MORN1: variants seen among roughly 807,000 people sequenced by gnomAD.
MORN1 encodes MORN repeat containing 1, also known as MORN repeat-containing protein 1.
A neutral mutation model predicts 61.9 loss-of-function variants in MORN1; 67 were observed. The observed-to-expected ratio is 1.08, with a 90% CI of 0.89 to 1.33. MORN1 has a LOEUF of 1.33. MORN1 is among the 40% of genes most tolerant of loss of function. The probability of loss-of-function intolerance (pLI) is 0.00; values close to 1 mark genes in which losing one functional copy is unlikely to be tolerated. For synonymous variants in MORN1, 301 were observed against 292.0 expected, an observed-to-expected ratio of 1.03 and a Z score of -0.31; for missense variants, 752 against 691.2, an observed-to-expected ratio of 1.09 and a Z score of -0.99.
At chr1:2,322,623 G>A in intron 13 of MORN1, 44 of 985,454 alleles carry the variant, frequency 4.5e-5, no homozygotes, top group Non-Finnish European at 5.2e-5. Context: ...TGGCGGGTGT[G>A]GGCCACAGCA....
rs200183384 is a variant in MORN1 at position 2,380,351 on chromosome 1, T to A, written c.537+4627A>T. Among the ~76,000 whole-genome samples, 41 of 152,234 alleles carry A rather than the reference T, an allele frequency of 2.7e-4. No individual in the cohort carries two copies. In the East Asian group the frequency reaches 6.2e-3, roughly 23 times the overall value. The stretch of plus-strand genomic sequence containing the variant: ...TGCCACGCCACTGCACGCTTAAAAG[T>A]GGTCACGGCCCAGCGCAGCGGCTCA... On this transcript the variant is annotated intron_variant, in intron 6 of 13. Coordinates refer to ENST00000378531, the MANE Select transcript of MORN1 (RefSeq NM_024848.3).
At chr1:2,323,847 T>C in intron 13 of MORN1, 3 of 985,168 alleles carry the variant, frequency 3.0e-6, no homozygotes, top group Non-Finnish European at 3.6e-6. Flanking sequence ...TCTAGGACAT[T>C]CCCCACATCA....
rs139553355 is a variant in MORN1 at position 2,321,498 on chromosome 1, C to A, written c.1379G>T (p.Arg460Leu). 3.3e-6 allele frequency: 5 copies of A among 1,528,770 alleles called. No homozygotes were observed. In the South Asian group the frequency reaches 6.2e-5, roughly 19 times the overall value. The allele number at this position is 1,528,770 out of a possible 1,614,324, so 94.7% of individuals were successfully genotyped here. The change falls in exon 14 of 14, where the codon CGG (arginine) becomes CTG (leucine). Residue 460 changes from arginine (R) to leucine (L), a missense_variant. Arg to Leu is a moderately radical substitution (Grantham distance 102). Coordinates refer to ENST00000378531, the MANE Select transcript of MORN1 (RefSeq NM_024848.3). ...RRLPPAFKHL[R>L]VVAKRAGQPP... is the part of the protein sequence containing the mutation. The stretch of plus-strand genomic sequence containing the variant: ...CTGGCCAGCCCTCTTCGCTACGACC[C>A]GCAGGTGTTTGAAGGCCGGGGGCAG...
chr1:2,332,648 A>G (rs927369757), intron 12 of MORN1: 17 of 456,426 alleles, frequency 3.7e-5, no homozygotes, highest in African/African-American at 3.4e-4. Flanking sequence ...GGAAGGGGTC[A>G]CACTCCCGTC....
chr1:2,325,164 CCTTCCTTTCCTT>C (rs1640991654), intron 12 of MORN1, among the ~76,000 whole-genome samples: 3 of 108,070 alleles, frequency 2.8e-5, no homozygotes, highest in Non-Finnish European at 4.1e-5. Context: ...TCCCTCCCTT[CCTTCCTTTCCTT>C]CCTTCCCTTC....
At chr1:2,369,407 T>C (rs1196824226) in intron 8 of MORN1, among the ~76,000 whole-genome samples, 1 of 140,938 alleles carries the variant, frequency 7.1e-6, no homozygotes, top group East Asian at 2.0e-4. Context: ...CTGAGGAGGG[T>C]GTAAAGCCAT....
In MORN1 at chr1:2,372,363, G is replaced by T; in HGVS notation, c.745+118C>A. On this transcript the variant is annotated intron_variant, in intron 8 of 13. Coordinates refer to ENST00000378531, the MANE Select transcript of MORN1 (RefSeq NM_024848.3). The surrounding 1 kb of genome is among the most constrained non-coding windows in gnomAD (Gnocchi z 5.4). ...CTCTCTGCCAGGCTCTGGGCACGAAGTCACTGCTGTGCCTCAGGAGCCACA... is the reference window on the plus strand; with the variant it reads ...CTCTCTGCCAGGCTCTGGGCACGAATTCACTGCTGTGCCTCAGGAGCCACA... 1 of 769,520 alleles carries T rather than the reference G, an allele frequency of 1.3e-6. No individual in the cohort carries two copies. Among genetic ancestry groups the T allele is most frequent in the South Asian group, 1.7e-5 (1 of 57,374 alleles). The allele number at this position is 769,520 out of a possible 1,614,324, so 47.7% of individuals were successfully genotyped here.
chr1:2,325,296 C>T (rs968525050), intron 12 of MORN1, among the ~76,000 whole-genome samples: 6 of 145,954 alleles, frequency 4.1e-5, no homozygotes, highest in African/African-American at 1.5e-4. Flanking sequence ...TCCTCTCTCT[C>T]TCTCTCTCTT....
intron 12 of MORN1, chr1:2,326,447 G>A (rs72642149): frequency 6.6e-6 from 1 of 152,140 alleles, no homozygotes; most frequent in South Asian, 2.1e-4. Context: ...CAAGGAGCTC[G>A]GGAGTCTCGG....
At chr1:2,368,748 A>C (rs1172647314) in intron 8 of MORN1, among the ~76,000 whole-genome samples, 1 of 152,182 alleles carries the variant, frequency 6.6e-6, no homozygotes, top group Non-Finnish European at 1.5e-5. Context: ...CTTCACACCC[A>C]CAAAGATGGC....
intron 8 of MORN1, among the ~76,000 whole-genome samples, chr1:2,369,831 A>C (rs1286448109): frequency 6.6e-6 from 1 of 152,226 alleles, no homozygotes; most frequent in Non-Finnish European, 1.5e-5. Flanking sequence ...TGATAAAGTA[A>C]GAACTCTACC....
At chr1:2,386,898 G>A (rs1056902979) in intron 4 of MORN1, 10 of 158,912 alleles carry the variant, frequency 6.3e-5, no homozygotes, top group Admixed American at 3.6e-4. Context: ...CCCCCTCCTG[G>A]CTTGAGTCTG....
At chr1:2,327,563 C>G (rs990142340) in intron 12 of MORN1, among the ~76,000 whole-genome samples, 1 of 152,234 alleles carries the variant, frequency 6.6e-6, no homozygotes, top group African/African-American at 2.4e-5. Flanking sequence ...AACACTGAAA[C>G]ACAGTGGGCG....
At position 2,323,558 on chromosome 1, in the gene MORN1, C is replaced by T; in HGVS notation, c.1297+539G>A. 7.1e-6 allele frequency: 7 copies of T among 985,306 alleles called. No homozygotes were observed. The South Asian group carries it at 1.9e-4, about 26-fold the overall frequency. The allele number at this position is 985,306 out of a possible 1,614,324, so 61.0% of individuals were successfully genotyped here. ...TCTGGCTTGGTGGGGGGGTGCCAGG[C>T]CCAGGCTGTGGGGCGACTGGAGGAG... On this transcript the variant is annotated intron_variant, in intron 13 of 13. Coordinates refer to ENST00000378531, the MANE Select transcript of MORN1 (RefSeq NM_024848.3).
At chr1:2,335,836 CCCA>C (rs1341447276) in intron 12 of MORN1, among the ~76,000 whole-genome samples, 55 of 151,814 alleles carry the variant, frequency 3.6e-4, no homozygotes, top group African/African-American at 1.2e-3. Context: ...CATAGCCCAG[CCCA>C]GCCCAGCGCG....
rs903617356 is a variant in MORN1, at chr1:2,381,428, A to G, written c.537+3550T>C. Among the ~76,000 whole-genome samples, 4 of 152,272 alleles carry G rather than the reference A, an allele frequency of 2.6e-5. No homozygotes were observed. In the East Asian group the frequency reaches 7.7e-4, roughly 29 times the overall value. ...CCAGGGGACTGCTGCCACCAGTGAC[A>G]CTGCCCAGAGCACCCCGTGGGGCAG... On this transcript the variant is annotated intron_variant, in intron 6 of 13. Coordinates refer to ENST00000378531, the MANE Select transcript of MORN1 (RefSeq NM_024848.3).
intron 10 of MORN1, chr1:2,351,733 A>T: frequency 1.9e-6 from 1 of 530,252 alleles, no homozygotes; most frequent in South Asian, 1.5e-5. Flanking sequence ...TCACAATCAC[A>T]GGGGATCATA....
intron 10 of MORN1, chr1:2,350,599 G>T (rs1641623547): frequency 6.6e-6 from 1 of 152,240 alleles, no homozygotes. Context: ...TGAATTTCCA[G>T]CCTCTTCCAT....
In MORN1 at chr1:2,372,186, G is replaced by A. The variant is rs114387823; in HGVS notation, c.745+295C>T. ...CACGTGCACGCGTGCCCCCCCACAC[G>A]TATACACATTCAGACCTGTGCACAC... On this transcript the variant is annotated intron_variant, in intron 8 of 13. Transcript: ENST00000378531. The surrounding 1 kb of genome is among the most constrained non-coding windows in gnomAD (Gnocchi z 5.4). 996 of 324,424 alleles carry A rather than the reference G, an allele frequency of 3.1e-3. 14 individuals are homozygous for A. Among genetic ancestry groups the A allele is most frequent in the African/African-American group, 0.02 (946 of 46,950 alleles). 20.1% of individuals were successfully genotyped at this position (324,424 alleles called of 1,614,324 possible). A position where few individuals can be genotyped will look rare whatever the true frequency, so the allele number is the denominator to read the frequency against.
Sources: allele counts gnomAD v4.1 joint callset (sites outside exome capture counted in the v4.1 genomes callset), GRCh38; gene constraint gnomAD v4.1.1; non-coding constraint Gnocchi (gnomAD v3.1); transcripts MANE v1.5; gene names NCBI Gene and HGNC (gene_info 2026-07-23, HGNC 2026-07-21).